The following PTK2 variants were observed in gnomAD, a reference collection of about 807,000 sequenced individuals.
PTK2 encodes focal adhesion kinase 1.
In PTK2, 45 loss-of-function variants were observed where a neutral mutation model predicts 150.1. The ratio of observed to expected loss-of-function variants is 0.30; its 90% CI spans 0.24 to 0.38. The LOEUF is 0.38. PTK2 is among the 10% of genes least tolerant of loss of function. The pLI is 1.00. For missense variants in PTK2, 919 were observed against 1,307.3 expected (o/e 0.70, Z 4.58); for synonymous variants, 432 against 449.2 (o/e 0.96, Z 0.48).
intron 1 of PTK2, among the ~76,000 whole-genome samples, chr8:140,929,412 G>A (rs1392042098): frequency 6.6e-6 from 1 of 152,138 alleles, no homozygotes; most frequent in East Asian, 1.9e-4. Context: ...TAAAGCGAAA[G>A]AGACAGGAAA....
chr8:140,665,520 GCA>G (rs953130150), intron 30 of PTK2, among the ~76,000 whole-genome samples: 2 of 152,026 alleles, frequency 1.3e-5, no homozygotes, highest in African/African-American at 4.8e-5. Context: ...CATCTATTAG[GCA>G]CACTGAGCAG....
chr8:140,732,007 C>T (rs1644264083), intron 22 of PTK2, among the ~76,000 whole-genome samples: 1 of 152,124 alleles, frequency 6.6e-6, no homozygotes, highest in Non-Finnish European at 1.5e-5. Flanking sequence ...AAGGAGAATT[C>T]TTTCGAGGTC....
chr8:140,681,537 G>T (rs575330985), intron 27 of PTK2, among the ~76,000 whole-genome samples: 1 of 151,076 alleles, frequency 6.6e-6, no homozygotes, highest in Non-Finnish European at 1.5e-5. Context: ...TTTGGGAGGC[G>T]GAGGCGGGCA....
chr8:140,664,557 C>G (rs1365535453), intron 31 of PTK2, among the ~76,000 whole-genome samples: 2 of 152,220 alleles, frequency 1.3e-5, no homozygotes, highest in Admixed American at 6.5e-5. Flanking sequence ...TATCAGCATT[C>G]TTCTACCTTT....
chr8:140,775,518 AT>A (rs985145752), intron 14 of PTK2, among the ~76,000 whole-genome samples: 1 of 151,546 alleles, frequency 6.6e-6, no homozygotes, highest in African/African-American at 2.4e-5. Context: ...GGGGTCCTTG[AT>A]TTTTTTTAAG....
At chr8:140,894,966 T>C (rs1158443672) in intron 2 of PTK2, among the ~76,000 whole-genome samples, 3 of 152,196 alleles carry the variant, frequency 2.0e-5, no homozygotes, top group Non-Finnish European at 2.9e-5. Context: ...ACAAGAAATA[T>C]TTTCTGAAGT....
chr8:140,764,144 G>A lies in PTK2; in HGVS notation c.1234+90C>T, dbSNP rs755029225. ...AGCATCCAAGGAAGTATTAAAAATG[G>A]CTCTAAAAAGACAGTAAGTATCAAT... is the stretch of plus-strand genomic sequence containing the variant. On this transcript the variant is annotated intron_variant, in intron 15 of 31. Transcript: ENST00000522684. 5 of 1,027,962 alleles carry A rather than the reference G, an allele frequency of 4.9e-6. No individual in the cohort carries two copies. The Admixed American group carries it at 8.5e-5, about 17-fold the overall frequency. The allele number at this position is 1,027,962 out of a possible 1,614,324, so 63.7% of individuals were successfully genotyped here.
intron 16 of PTK2, among the ~76,000 whole-genome samples, chr8:140,758,305 T>C (rs1214728323): frequency 1.3e-5 from 2 of 152,136 alleles, no homozygotes; most frequent in Non-Finnish European, 2.9e-5. Context: ...CCCAGGCTGG[T>C]ATTGAACTCC....
At chr8:140,835,548 T>TAG (rs1273663932) in intron 7 of PTK2, among the ~76,000 whole-genome samples, 1 of 152,158 alleles carries the variant, frequency 6.6e-6, no homozygotes, top group Non-Finnish European at 1.5e-5. Flanking sequence ...AATGTTAAAA[T>TAG]TATCTAACTG....
rs572374070 is a variant in PTK2 at position 140,826,833 on chromosome 8, G to A, written c.648+3639C>T. Reference sequence around the variant, plus strand: ...CTCAGGTGGCTAAGGCAGGAGAATTGCTTGAACCTGAGTGGCCGAGGCTGC... The same window carrying A: ...CTCAGGTGGCTAAGGCAGGAGAATTACTTGAACCTGAGTGGCCGAGGCTGC... On this transcript the variant is annotated intron_variant, in intron 8 of 31. Transcript: ENST00000522684. Among the ~76,000 whole-genome samples the A allele has an allele frequency of 4.6e-5, 7 of 152,158 alleles. No individual in the cohort carries two copies. In the South Asian group the frequency reaches 1.5e-3, roughly 32 times the overall value.
intron 22 of PTK2, among the ~76,000 whole-genome samples, chr8:140,731,524 G>C (rs974811292): frequency 3.3e-5 from 5 of 152,126 alleles, no homozygotes; most frequent in Non-Finnish European, 5.9e-5. Flanking sequence ...CATCAAAGTA[G>C]GACCAAGGTG....
intron 1 of PTK2, among the ~76,000 whole-genome samples, chr8:140,960,872 C>A (rs1000772470): frequency 6.6e-6 from 1 of 151,814 alleles, no homozygotes; most frequent in Non-Finnish European, 1.5e-5. Flanking sequence ...CCCAGCCACT[C>A]GGGAGGCTGA....
intron 2 of PTK2, among the ~76,000 whole-genome samples, chr8:140,893,092 C>G (rs942235614): frequency 1.3e-5 from 2 of 152,160 alleles, no homozygotes; most frequent in Non-Finnish European, 1.5e-5. Flanking sequence ...CTTTGGGAGA[C>G]TGAGGCAGGA....
intron 30 of PTK2, among the ~76,000 whole-genome samples, chr8:140,665,729 T>A (rs556473500): frequency 6.6e-6 from 1 of 152,248 alleles, no homozygotes; most frequent in Non-Finnish European, 1.5e-5. Flanking sequence ...TGGATCAACA[T>A]ACAAAAAGAA....
chr8:140,802,841 C>A (rs1231785914), intron 11 of PTK2, among the ~76,000 whole-genome samples: 2 of 151,944 alleles, frequency 1.3e-5, no homozygotes, highest in Non-Finnish European at 2.9e-5. Context: ...CCTAGGTGTA[C>A]AGTAGGCTAC....
intron 26 of PTK2, among the ~76,000 whole-genome samples, chr8:140,695,603 G>T (rs1044539834): frequency 1.3e-5 from 2 of 152,072 alleles, no homozygotes; most frequent in African/African-American, 4.8e-5. Flanking sequence ...TAGAGATGGG[G>T]TTTGGCCATG....
At chr8:140,853,937 T>C (rs867980962) in intron 5 of PTK2, among the ~76,000 whole-genome samples, 1 of 152,036 alleles carries the variant, frequency 6.6e-6, no homozygotes, top group Non-Finnish European at 1.5e-5. Context: ...GCCAAGAAAA[T>C]ATAGAGAAGG....
At chr8:140,842,604 T>A (rs1485297936) in intron 7 of PTK2, among the ~76,000 whole-genome samples, 2 of 152,028 alleles carry the variant, frequency 1.3e-5, no homozygotes, top group African/African-American at 4.8e-5. Flanking sequence ...ATAGTCAAGG[T>A]GCGATAAGGA....
At chr8:140,676,815 G>A (rs1050893350) in intron 27 of PTK2, among the ~76,000 whole-genome samples, 2 of 144,442 alleles carry the variant, frequency 1.4e-5, no homozygotes, top group African/African-American at 5.2e-5. Flanking sequence ...GTGTGTGCCC[G>A]TAATCCCAGC....
Sources: allele counts gnomAD v4.1 joint callset (sites outside exome capture counted in the v4.1 genomes callset), GRCh38; gene constraint gnomAD v4.1.1; transcripts MANE v1.5; gene names NCBI Gene and HGNC (gene_info 2026-07-23, HGNC 2026-07-21).